SUSD4: variants seen among roughly 807,000 people sequenced by gnomAD.
SUSD4 encodes sushi domain-containing protein 4.
Under a neutral mutation model 50.5 loss-of-function variants are expected in SUSD4, and 41 were observed. The observed-to-expected ratio is 0.81, with a 90% confidence interval of 0.63 to 1.05. SUSD4 has a LOEUF of 1.05. Among genes scored for constraint, SUSD4 ranks in the 50% least tolerant of loss-of-function variants. The pLI is 0.00. For missense variants in SUSD4, 580 were observed against 634.7 expected, an observed-to-expected ratio of 0.91 and a Z score of 0.93; for synonymous variants, 257 against 257.3, an observed-to-expected ratio of 1.00 and a Z score of 0.01.
intron 2 of SUSD4, among the ~76,000 whole-genome samples, chr1:223,303,435 C>T (rs1665315208): frequency 6.6e-6 from 1 of 152,190 alleles, no homozygotes; most frequent in African/African-American, 2.4e-5. Context: ...CCTGAGTCTT[C>T]CAAAGAGTGA....
intron 5 of SUSD4, among the ~76,000 whole-genome samples, chr1:223,240,025 C>T (rs1207781961): frequency 6.6e-6 from 1 of 151,884 alleles, no homozygotes; most frequent in East Asian, 1.9e-4. Context: ...TTCTCCTTCG[C>T]TTCTGAACGT....
intron 2 of SUSD4, among the ~76,000 whole-genome samples, chr1:223,316,019 A>G (rs976300140): frequency 6.6e-6 from 1 of 152,176 alleles, no homozygotes; most frequent in Non-Finnish European, 1.5e-5. Flanking sequence ...GGGACACACA[A>G]GTGTTGAGAA....
At chr1:223,245,879 G>A (rs868327441) in intron 5 of SUSD4, among the ~76,000 whole-genome samples, 6 of 152,168 alleles carry the variant, frequency 3.9e-5, no homozygotes, top group African/African-American at 1.2e-4. Flanking sequence ...GACCTGGCTC[G>A]ATTGTGGTAC....
In SUSD4 at chr1:223,327,771, C is replaced by T. The variant is rs149534785; in HGVS notation, c.149-35120G>A. On this transcript the variant is annotated intron_variant, in intron 2 of 8. Transcript: ENST00000366878. ...GCATCTCCTCACCTGGCACCTTGGG[C>T]CAGGTGCCATCTGCCTAACCCTATC... Among the ~76,000 whole-genome samples the T allele has an allele frequency of 3.5e-3, 538 of 152,324 alleles. 5 individuals are homozygous for T. Among genetic ancestry groups the T allele is most frequent in the Non-Finnish European group, 5.5e-3 (377 of 68,028 alleles).
At chr1:223,338,602 C>T (rs1488214070) in intron 2 of SUSD4, among the ~76,000 whole-genome samples, 1 of 152,166 alleles carries the variant, frequency 6.6e-6, no homozygotes, top group Non-Finnish European at 1.5e-5. Context: ...AGATAACCCA[C>T]CAGGAAGCTT....
chr1:223,336,531 C>T (rs1238069962), intron 2 of SUSD4, among the ~76,000 whole-genome samples: 1 of 152,176 alleles, frequency 6.6e-6, no homozygotes, highest in Non-Finnish European at 1.5e-5. Context: ...ACAGAGACTG[C>T]TCTTTCTCTT....
At chr1:223,259,047 C>T (rs968191129) in intron 5 of SUSD4, among the ~76,000 whole-genome samples, 4 of 152,092 alleles carry the variant, frequency 2.6e-5, no homozygotes, top group African/African-American at 7.3e-5. Flanking sequence ...GCTCTGCCTG[C>T]GTGGAGAGTG....
At chr1:223,295,017 T>C (rs1317310255) in intron 2 of SUSD4, among the ~76,000 whole-genome samples, 1 of 152,190 alleles carries the variant, frequency 6.6e-6, no homozygotes, top group Non-Finnish European at 1.5e-5. Flanking sequence ...TATTGAAACA[T>C]ATATTTATGA....
At chr1:223,307,140 C>T (rs911994964) in intron 2 of SUSD4, among the ~76,000 whole-genome samples, 23 of 152,106 alleles carry the variant, frequency 1.5e-4, no homozygotes, top group Non-Finnish European at 2.5e-4. Flanking sequence ...GGATTACAGG[C>T]GTGAGCCACC....
intron 2 of SUSD4, among the ~76,000 whole-genome samples, chr1:223,346,416 G>C (rs1339532897): frequency 2.0e-5 from 3 of 152,116 alleles, no homozygotes; most frequent in Non-Finnish European, 4.4e-5. Flanking sequence ...TTGGGCTAGG[G>C]TTCAAGGCGT....
At chr1:223,287,244 T>G (rs1664206426) in intron 3 of SUSD4, among the ~76,000 whole-genome samples, 1 of 152,168 alleles carries the variant, frequency 6.6e-6, no homozygotes, top group Admixed American at 6.5e-5. Flanking sequence ...ACCTGACTAA[T>G]TTTTGTATTT....
chr1:223,275,005 T>C (rs1663161201), intron 3 of SUSD4, among the ~76,000 whole-genome samples: 1 of 152,242 alleles, frequency 6.6e-6, no homozygotes, highest in Non-Finnish European at 1.5e-5. Flanking sequence ...TACACTGCTA[T>C]ATGTATTTTA....
chr1:223,338,669 G>C (rs1471546378), intron 2 of SUSD4, among the ~76,000 whole-genome samples: 1 of 152,222 alleles, frequency 6.6e-6, no homozygotes, highest in Non-Finnish European at 1.5e-5. Flanking sequence ...GGGGAGAAGG[G>C]GTGATGCACT....
chr1:223,351,032 CTG>C (rs113826937), intron 2 of SUSD4, among the ~76,000 whole-genome samples: 3,091 of 152,324 alleles, frequency 0.02, 109 homozygotes, highest in African/African-American at 0.071. Context: ...AGGCATTCTT[CTG>C]TGTGTTTCTA....
chr1:223,257,340 C>T (rs1661768546), intron 5 of SUSD4, among the ~76,000 whole-genome samples: 1 of 151,854 alleles, frequency 6.6e-6, no homozygotes, highest in Admixed American at 6.6e-5. Context: ...CAAGTCTCTA[C>T]AAAAACATTT....
chr1:223,291,243 A>G (rs1664468666), intron 3 of SUSD4, among the ~76,000 whole-genome samples: 1 of 152,142 alleles, frequency 6.6e-6, no homozygotes, highest in African/African-American at 2.4e-5. Context: ...CTGTAATCGC[A>G]GCACTTTGGG....
At chr1:223,224,720 C>A in intron 7 of SUSD4, among the ~76,000 whole-genome samples, 1 of 152,150 alleles carries the variant, frequency 6.6e-6, no homozygotes. Flanking sequence ...CTTCTCAGCC[C>A]TCTGCACATT....
intron 5 of SUSD4, among the ~76,000 whole-genome samples, chr1:223,243,426 TCACC>T (rs532577683): frequency 1.2e-3 from 176 of 152,288 alleles, no homozygotes; most frequent in South Asian, 3.9e-3. Flanking sequence ...CCCACTGAAG[TCACC>T]CTTCCATCTG....
At chr1:223,358,352 T>A (rs1029401947) in intron 2 of SUSD4, among the ~76,000 whole-genome samples, 2 of 152,122 alleles carry the variant, frequency 1.3e-5, no homozygotes, top group Non-Finnish European at 2.9e-5. Flanking sequence ...ATTAGTGATA[T>A]GAAAGGAACT....
Sources: gnomAD v4.1 joint callset for allele counts (sites outside exome capture counted in the v4.1 genomes callset) on GRCh38, gnomAD v4.1.1 for gene constraint, MANE v1.5 for transcripts, NCBI Gene and HGNC (gene_info 2026-07-23, HGNC 2026-07-21) for gene names.